FSTL4: variants seen among roughly 807,000 people sequenced by gnomAD.
FSTL4 encodes the protein follistatin like 4.
FSTL4 carries 28 observed loss-of-function variants against 78.2 expected under a neutral mutation model. The observed-to-expected ratio is 0.36, with a 90% CI of 0.27 to 0.49. FSTL4 has a LOEUF of 0.49. FSTL4 is among the 20% of genes least tolerant of loss of function. FSTL4 has a pLI of 0.98. For synonymous variants in FSTL4, 422 were observed against 440.5 expected (o/e 0.96, Z 0.53); for missense variants, 922 against 1,084.9 (o/e 0.85, Z 2.11).
intron 10 of FSTL4, among the ~76,000 whole-genome samples, chr5:133,224,661 A>G (rs979453776): frequency 6.6e-6 from 1 of 152,162 alleles, no homozygotes; most frequent in African/African-American, 2.4e-5. Context: ...ATTAACACCC[A>G]TGTCTATGAA....
At chr5:133,213,730 A>C (rs1221821668) in intron 13 of FSTL4, among the ~76,000 whole-genome samples, 1 of 152,222 alleles carries the variant, frequency 6.6e-6, no homozygotes, top group Non-Finnish European at 1.5e-5. Context: ...TCAAATAACA[A>C]AAGTAACATA....
chr5:133,682,068 A>G, the FSTL4 span, among the ~76,000 whole-genome samples: 1 of 152,180 alleles, frequency 6.6e-6, no homozygotes, highest in Non-Finnish European at 1.5e-5. Flanking sequence ...TTTGTGATAC[A>G]GTAAGAGGAA....
chr5:133,581,071 A>G (rs559049670), intron 2 of FSTL4, among the ~76,000 whole-genome samples: 1 of 152,326 alleles, frequency 6.6e-6, no homozygotes, highest in South Asian at 2.1e-4. Context: ...AAATCCCCAT[A>G]CACACTTTGA....
the FSTL4 span, among the ~76,000 whole-genome samples, chr5:133,815,671 G>T: frequency 0.19 from 28,172 of 152,170 alleles, 2,832 homozygotes; most frequent in East Asian, 0.41. Flanking sequence ...CAGAATATTA[G>T]GGGTACGGTT....
chr5:133,506,721 T>C (rs933933079), intron 3 of FSTL4, among the ~76,000 whole-genome samples: 1 of 152,144 alleles, frequency 6.6e-6, no homozygotes, highest in South Asian at 2.1e-4. Context: ...AAGTGAGAAT[T>C]AGGTTGAAAA....
At chr5:133,514,185 A>ATG (rs1758803342) in intron 3 of FSTL4, among the ~76,000 whole-genome samples, 3 of 102,832 alleles carry the variant, frequency 2.9e-5, no homozygotes, top group South Asian at 5.8e-4. Flanking sequence ...TCTCAATGAT[A>ATG]ATAATAATAA....
intron 3 of FSTL4, among the ~76,000 whole-genome samples, chr5:133,423,071 T>C (rs187988015): frequency 1.8e-4 from 27 of 152,346 alleles, no homozygotes; most frequent in Admixed American, 1.4e-3. Flanking sequence ...TGAAGTTTCA[T>C]TTGTACAGTT....
chr5:133,518,150 T>G (rs1413178123), intron 3 of FSTL4, among the ~76,000 whole-genome samples: 1 of 152,196 alleles, frequency 6.6e-6, no homozygotes, highest in East Asian at 1.9e-4. Context: ...AGTTAAACAT[T>G]TTTGACTAAA....
Position 133,549,821 on chromosome 5 carries a change from A to C in FSTL4, c.160+17365T>G, listed in dbSNP as rs554554546. On this transcript the variant is annotated intron_variant, in intron 3 of 15. Transcript: ENST00000265342. Reference sequence around the variant, plus strand: ...AGCTTGTGGTTCCTGTTCTCAGAGGAAACATTTTGGCTCCCACTCAGCATC... The same window carrying C: ...AGCTTGTGGTTCCTGTTCTCAGAGGCAACATTTTGGCTCCCACTCAGCATC... Among the ~76,000 whole-genome samples the C allele has an allele frequency of 4.5e-4, 69 of 152,310 alleles. No homozygotes were observed. In the South Asian group the frequency reaches 0.013, roughly 30 times the overall value.
At chr5:133,696,798 G>A in the FSTL4 span, among the ~76,000 whole-genome samples, 2 of 152,250 alleles carry the variant, frequency 1.3e-5, no homozygotes, top group African/African-American at 2.4e-5. Context: ...TTAGGTATGC[G>A]AGTGGGTACA....
chr5:133,631,090 A>C, the FSTL4 span, among the ~76,000 whole-genome samples: 2 of 152,242 alleles, frequency 1.3e-5, no homozygotes, highest in Non-Finnish European at 2.9e-5. Flanking sequence ...AGGCATGGGC[A>C]AAGACTTCAT....
intron 3 of FSTL4, among the ~76,000 whole-genome samples, chr5:133,507,726 T>C (rs1758639166): frequency 6.6e-6 from 1 of 151,962 alleles, no homozygotes; most frequent in African/African-American, 2.4e-5. Flanking sequence ...TTTCGCTATG[T>C]TGGCCAGGAT....
the FSTL4 span, among the ~76,000 whole-genome samples, chr5:133,620,557 G>A: frequency 6.6e-6 from 1 of 152,128 alleles, no homozygotes; most frequent in Non-Finnish European, 1.5e-5. Flanking sequence ...GGTTCCTTAT[G>A]TTTCTAGTCT....
At chr5:133,214,398 C>T (rs749656608) in intron 13 of FSTL4, among the ~76,000 whole-genome samples, 1 of 152,192 alleles carries the variant, frequency 6.6e-6, no homozygotes, top group Non-Finnish European at 1.5e-5. Flanking sequence ...AAGAGAAACA[C>T]GACCCTGGCT....
intron 6 of FSTL4, among the ~76,000 whole-genome samples, chr5:133,269,794 T>C (rs769793145): frequency 3.3e-5 from 5 of 152,230 alleles, no homozygotes; most frequent in Admixed American, 6.5e-5. Context: ...TCATCTTACA[T>C]GCTGACTGCA....
the FSTL4 span, among the ~76,000 whole-genome samples, chr5:133,674,249 T>C: frequency 1.3e-5 from 2 of 152,166 alleles, no homozygotes; most frequent in East Asian, 1.9e-4. Flanking sequence ...TGTTCTGCCT[T>C]TCCACCGAGT....
chr5:133,721,412 C>T, the FSTL4 span, among the ~76,000 whole-genome samples: 21 of 152,246 alleles, frequency 1.4e-4, 1 homozygote, highest in African/African-American at 5.1e-4. Flanking sequence ...TAATTATTGT[C>T]CTTTTATTCC....
chr5:133,670,464 T>A, the FSTL4 span, among the ~76,000 whole-genome samples: 1 of 152,222 alleles, frequency 6.6e-6, no homozygotes, highest in Non-Finnish European at 1.5e-5. Flanking sequence ...CACACTGGAC[T>A]GGGGCATCAT....
At chr5:133,380,888 A>G (rs1053423183) in intron 4 of FSTL4, among the ~76,000 whole-genome samples, 1 of 151,946 alleles carries the variant, frequency 6.6e-6, no homozygotes, top group Admixed American at 6.6e-5. Flanking sequence ...ATTATACATC[A>G]TTACCAAGTG....
Sources: allele counts gnomAD v4.1 joint callset (sites outside exome capture counted in the v4.1 genomes callset), GRCh38; gene constraint gnomAD v4.1.1; transcripts MANE v1.5; gene names NCBI Gene and HGNC (gene_info 2026-07-23, HGNC 2026-07-21).